ZNF791: variants seen among roughly 807,000 people sequenced by gnomAD.
ZNF791 encodes the protein zinc finger protein 791.
ZNF791 carries 4 observed loss-of-function variants against 11.5 expected under a neutral mutation model. That is an observed-to-expected ratio of 0.35 (90% CI 0.17 to 0.80). The LOEUF (loss-of-function observed/expected upper bound fraction) is 0.80. Ranked by LOEUF, ZNF791 falls within the 30% of genes least tolerant of loss-of-function variation. The pLI is 0.53. For missense variants in ZNF791, 559 were observed against 699.4 expected (o/e 0.80, Z 2.26); for synonymous variants, 212 against 228.1 (o/e 0.93, Z 0.64).
At chr19:12,614,892 C>CTTTTGTTTTTT (rs2023218285) in intron 1 of ZNF791, among the ~76,000 whole-genome samples, 1 of 17,548 alleles carries the variant, frequency 5.7e-5, no homozygotes, top group African/African-American at 1.4e-4. Flanking sequence ...TGCGTCCGGC[C>CTTTTGTTTTTT]TTTTTTTTTT....
At chr19:12,619,484 T>C (rs138472037) in intron 1 of ZNF791, among the ~76,000 whole-genome samples, 81,250 of 140,602 alleles carry the variant, frequency 0.58, 25,670 homozygotes, top group Non-Finnish European at 0.72. Flanking sequence ...GAGTCTCGAT[T>C]TGTCTCCCAG....
At chr19:12,623,873 G>GGT (rs1555703488) in intron 2 of ZNF791, 47 bp downstream of exon 2, 2 of 991,740 alleles carry the variant, frequency 2.0e-6, no homozygotes, top group Non-Finnish European at 1.4e-6. Flanking sequence ...TTTTTTTTGG[G>GGT]GGGGGACAGA....
In ZNF791 at chr19:12,631,007, G is replaced by A. The variant is rs2023496016; in HGVS notation, c.*1747G>A. ...TTTATAAATTCTCCATTAGTGTACA[G>A]TAACATCCTGGGCCTTCGCATTCAC... On this transcript the variant is annotated 3_prime_UTR_variant, in exon 4 of 4. Coordinates refer to ENST00000343325, the MANE Select transcript of ZNF791 (RefSeq NM_153358.3). 6.6e-6 allele frequency: 1 copy of A among 152,196 alleles called. No homozygotes were observed. Among genetic ancestry groups the A allele is most frequent in the Non-Finnish European group, 1.5e-5 (1 of 68,042 alleles). The allele number at this position is 152,196 out of a possible 1,614,324, so 9.4% of individuals were successfully genotyped here.
chr19:12,622,274 T>G (rs1266408822), intron 1 of ZNF791, among the ~76,000 whole-genome samples: 1 of 143,792 alleles, frequency 7.0e-6, no homozygotes, highest in East Asian at 1.9e-4. Context: ...CTTGTTTATC[T>G]GCTGACCTTC....
chr19:12,615,605 C>G (rs1453609622), intron 1 of ZNF791, among the ~76,000 whole-genome samples: 3 of 151,932 alleles, frequency 2.0e-5, no homozygotes, highest in Non-Finnish European at 4.4e-5. Context: ...ATGACAAAAC[C>G]CCGTCTCTAC....
At chr19:12,626,639 C>T (rs2023432826) in intron 3 of ZNF791, among the ~76,000 whole-genome samples, 2 of 151,996 alleles carry the variant, frequency 1.3e-5, no homozygotes, top group Non-Finnish European at 2.9e-5. Flanking sequence ...AAGTCTTGCT[C>T]TGTCACCCAG....
At chr19:12,620,503 A>T (rs1010006249) in intron 1 of ZNF791, among the ~76,000 whole-genome samples, 6 of 152,062 alleles carry the variant, frequency 3.9e-5, no homozygotes, top group African/African-American at 1.4e-4. Flanking sequence ...TTAAATGTAA[A>T]TGTAAATAAA....
At chr19:12,615,280 C>T (rs1001519110) in intron 1 of ZNF791, among the ~76,000 whole-genome samples, 4 of 151,874 alleles carry the variant, frequency 2.6e-5, no homozygotes, top group African/African-American at 7.3e-5. Context: ...CCTCCCACAG[C>T]GCATGGCCTC....
chr19:12,624,443 G>A (rs527344334), intron 2 of ZNF791, among the ~76,000 whole-genome samples: 34 of 152,106 alleles, frequency 2.2e-4, no homozygotes, highest in African/African-American at 7.7e-4. Flanking sequence ...ATGAGCCACC[G>A]CACCCCAGTG....
At position 12,632,568 on chromosome 19, in the gene ZNF791, G is replaced by C. The variant is rs1319429295; in HGVS notation, c.*3308G>C. On this transcript the variant is annotated 3_prime_UTR_variant, in exon 4 of 4. Transcript: ENST00000343325. ...AAACCAAGGCAAGCAGATCACTTGAGGTCAGGAGTTCGAGACCAACCTGGC... is the reference window on the plus strand; with the variant it reads ...AAACCAAGGCAAGCAGATCACTTGACGTCAGGAGTTCGAGACCAACCTGGC... 1 of 151,972 alleles carries C rather than the reference G, an allele frequency of 6.6e-6. No individual in the cohort carries two copies. The highest frequency in any genetic ancestry group is 2.4e-5 in the African/African-American group (1 of 41,394). The allele number at this position is 151,972 out of a possible 1,614,324, so 9.4% of individuals were successfully genotyped here.
chr19:12,623,740 A>G lies in ZNF791; in HGVS notation c.44A>G (p.Gln15Arg), dbSNP rs768910770. The G allele has an allele frequency of 1.9e-6, 3 of 1,614,082 alleles. No individual in the cohort carries two copies. The highest frequency in any genetic ancestry group is 1.7e-5 in the Admixed American group (1 of 59,976). The change falls in exon 2 of 4, where the codon CAG (glutamine) becomes CGG (arginine). Residue 15 changes from glutamine to arginine, a missense_variant. Gln to Arg is a conservative substitution (Grantham distance 43). Coordinates refer to ENST00000343325, the MANE Select transcript of ZNF791 (RefSeq NM_153358.3). The part of the protein sequence containing the change: ...AFEDVSVSFS[Q>R]EEWALLAPSQ... ...GAGGATGTGTCTGTGAGCTTCAGCC[A>G]GGAGGAGTGGGCTCTGCTGGCTCCT...
rs1331693050 is a variant in ZNF791 at position 12,631,528 on chromosome 19, T to C, written c.*2268T>C. On this transcript the variant is annotated 3_prime_UTR_variant, in exon 4 of 4. Coordinates refer to ENST00000343325, the MANE Select transcript of ZNF791 (RefSeq NM_153358.3). ...AGGCAGATCACCTGAGGTCAGGAGT[T>C]CGAGACCAGCCTGGCCAAGACGGTG... 6.6e-6 allele frequency: 1 copy of C among 152,218 alleles called. No individual in the cohort carries two copies. The highest frequency in any genetic ancestry group is 1.5e-5 in the Non-Finnish European group (1 of 68,062). 9.4% of individuals were successfully genotyped at this position (152,218 alleles called of 1,614,324 possible).
intron 2 of ZNF791, 38 bp downstream of exon 2, chr19:12,623,864 T>G: frequency 9.8e-7 from 1 of 1,017,484 alleles, no homozygotes; most frequent in Non-Finnish European, 1.4e-6. Context: ...TCTTTTTTTT[T>G]TTTTTTGGGG....
At chr19:12,615,011 A>ATTT (rs2023224689) in intron 1 of ZNF791, among the ~76,000 whole-genome samples, 3 of 47,630 alleles carry the variant, frequency 6.3e-5, no homozygotes, top group Non-Finnish European at 9.4e-5. Flanking sequence ...CCTATGTTCA[A>ATTT]CTTTTTTTTT....
intron 1 of ZNF791, among the ~76,000 whole-genome samples, chr19:12,622,914 A>AC (rs2023376197): frequency 1.1e-5 from 1 of 89,372 alleles, no homozygotes; most frequent in African/African-American, 3.7e-5. Context: ...AAAAAAAGAA[A>AC]GAAAAAAAAC....
chr19:12,626,671 C>T (rs186032970), intron 3 of ZNF791, among the ~76,000 whole-genome samples: 89 of 152,244 alleles, frequency 5.8e-4, no homozygotes, highest in African/African-American at 2.1e-3. Flanking sequence ...GTGGTGCCAT[C>T]TCAGCTCACT....
intron 1 of ZNF791, among the ~76,000 whole-genome samples, chr19:12,618,523 G>A (rs2145182900): frequency 6.6e-6 from 1 of 151,786 alleles, no homozygotes; most frequent in African/African-American, 2.4e-5. Context: ...ATAAAATAAA[G>A]GCCGAGTGTG....
chr19:12,629,237 C>A lies in ZNF791; in HGVS notation c.1708C>A (p.His570Asn). Residue 570 changes from histidine (H) to asparagine (N), a missense_variant, in exon 4 of 4, where the codon CAT (histidine) becomes AAT (asparagine). By Grantham distance (68) the His-to-Asn change is moderately conservative. Coordinates refer to ENST00000343325, the MANE Select transcript of ZNF791 (RefSeq NM_153358.3). ...AFSVSTSLKK[H>N]MRMHNR Reference sequence around the variant, plus strand: ...CAGTGTGTCCACATCCTTAAAAAAACATATGAGAATGCACAATCGATAGAA... The same window carrying A: ...CAGTGTGTCCACATCCTTAAAAAAAAATATGAGAATGCACAATCGATAGAA... 1.3e-6 allele frequency: 2 copies of A among 1,488,524 alleles called. No individual in the cohort carries two copies. Among genetic ancestry groups the A allele is most frequent in the Non-Finnish European group, 8.9e-7 (1 of 1,118,552 alleles). The allele number at this position is 1,488,524 out of a possible 1,614,324, so 92.2% of individuals were successfully genotyped here.
chr19:12,620,413 C>T (rs939008247), intron 1 of ZNF791, among the ~76,000 whole-genome samples: 9 of 151,586 alleles, frequency 5.9e-5, no homozygotes, highest in South Asian at 2.1e-4. Flanking sequence ...TGGGCTCAAA[C>T]GATCTGCCCA....
Sources: gnomAD v4.1 joint callset for allele counts (sites outside exome capture counted in the v4.1 genomes callset) on GRCh38, gnomAD v4.1.1 for gene constraint, MANE v1.5 for transcripts, NCBI Gene and HGNC (gene_info 2026-07-23, HGNC 2026-07-21) for gene names.